CSNK1G3: variants seen among roughly 807,000 people sequenced by gnomAD.
CSNK1G3 encodes casein kinase 1 gamma 3.
A neutral mutation model predicts 64.3 loss-of-function variants in CSNK1G3; 23 were observed. The observed-to-expected ratio is 0.36, with a 90% CI of 0.26 to 0.51. The LOEUF (loss-of-function observed/expected upper bound fraction) is 0.51. Among genes scored for constraint, CSNK1G3 ranks in the 20% least tolerant of loss-of-function variants. The pLI is 0.96. For synonymous variants in CSNK1G3, 158 were observed against 162.2 expected, an observed-to-expected ratio of 0.97 and a Z score of 0.20; for missense variants, 357 against 510.5, an observed-to-expected ratio of 0.70 and a Z score of 2.90.
chr5:123,526,595 C>T (rs1779121943), intron 1 of CSNK1G3, among the ~76,000 whole-genome samples: 1 of 152,206 alleles, frequency 6.6e-6, no homozygotes, highest in African/African-American at 2.4e-5. Context: ...CCACTCCTAG[C>T]AGCCACTGAT....
intron 1 of CSNK1G3, among the ~76,000 whole-genome samples, chr5:123,519,839 A>G (rs994113338): frequency 6.6e-6 from 1 of 152,206 alleles, no homozygotes; most frequent in African/African-American, 2.4e-5. Flanking sequence ...CTTATATCCT[A>G]ATTACTAGTG....
At chr5:123,529,157 A>G (rs1033567169) in intron 1 of CSNK1G3, among the ~76,000 whole-genome samples, 3 of 152,206 alleles carry the variant, frequency 2.0e-5, no homozygotes, top group African/African-American at 2.4e-5. Context: ...GCATGAGTAT[A>G]ATGCTGTTGG....
chr5:123,610,783 C>A (rs1020809755), intron 12 of CSNK1G3, among the ~76,000 whole-genome samples: 3 of 151,888 alleles, frequency 2.0e-5, no homozygotes, highest in Admixed American at 6.6e-5. Flanking sequence ...TGAGACCAGC[C>A]TGGGCAACAT....
intron 10 of CSNK1G3, among the ~76,000 whole-genome samples, chr5:123,594,439 G>GA (rs569391587): frequency 6.6e-6 from 1 of 151,920 alleles, no homozygotes; most frequent in African/African-American, 2.4e-5. Context: ...TTATCACTTA[G>GA]AAAAAAAATT....
At chr5:123,559,936 T>C (rs1487752495) in intron 4 of CSNK1G3, among the ~76,000 whole-genome samples, 1 of 152,138 alleles carries the variant, frequency 6.6e-6, no homozygotes, top group East Asian at 1.9e-4. Flanking sequence ...CTGAATTTCA[T>C]TTATATAGCA....
chr5:123,577,985 G>T (rs1308827102), intron 6 of CSNK1G3, among the ~76,000 whole-genome samples: 1 of 151,694 alleles, frequency 6.6e-6, no homozygotes, highest in Non-Finnish European at 1.5e-5. Flanking sequence ...AACTTCTTTT[G>T]GTGGGTATAA....
chr5:123,522,037 TA>T (rs1271959800), intron 1 of CSNK1G3, among the ~76,000 whole-genome samples: 1 of 152,112 alleles, frequency 6.6e-6, no homozygotes, highest in Non-Finnish European at 1.5e-5. Context: ...CTCAGCCCTT[TA>T]AAAAAATGGC....
At chr5:123,527,701 A>G (rs1343399176) in intron 1 of CSNK1G3, among the ~76,000 whole-genome samples, 5 of 152,216 alleles carry the variant, frequency 3.3e-5, no homozygotes, top group African/African-American at 1.2e-4. Context: ...TATAACTGTT[A>G]TGAGAACCAT....
At chr5:123,560,681 A>T (rs1037303578) in intron 4 of CSNK1G3, among the ~76,000 whole-genome samples, 2 of 152,100 alleles carry the variant, frequency 1.3e-5, no homozygotes, top group Non-Finnish European at 2.9e-5. Flanking sequence ...CCATTGTACT[A>T]AAAAAAGGAA....
intron 10 of CSNK1G3, among the ~76,000 whole-genome samples, chr5:123,599,560 T>C (rs1287457971): frequency 6.6e-6 from 1 of 152,210 alleles, no homozygotes; most frequent in African/African-American, 2.4e-5. Flanking sequence ...TCTAGAGGAA[T>C]AGTAGATACT....
chr5:123,537,877 A>G (rs541073729), intron 1 of CSNK1G3, among the ~76,000 whole-genome samples: 1 of 152,154 alleles, frequency 6.6e-6, no homozygotes, highest in Non-Finnish European at 1.5e-5. Flanking sequence ...TAGGATTTCT[A>G]TCACCACAGC....
chr5:123,610,986 A>G (rs1796237362), intron 12 of CSNK1G3, among the ~76,000 whole-genome samples: 1 of 152,254 alleles, frequency 6.6e-6, no homozygotes, highest in Admixed American at 6.5e-5. Context: ...CAGATAATAA[A>G]TAAATAAAAT....
At chr5:123,602,073 T>A (rs963183339) in intron 10 of CSNK1G3, among the ~76,000 whole-genome samples, 5 of 151,896 alleles carry the variant, frequency 3.3e-5, no homozygotes, top group African/African-American at 7.3e-5. Flanking sequence ...AGAGAAAAAA[T>A]TTACAGTTCA....
At chr5:123,516,769 A>G (rs1365949809) in intron 1 of CSNK1G3, among the ~76,000 whole-genome samples, 10 of 152,328 alleles carry the variant, frequency 6.6e-5, no homozygotes, top group South Asian at 4.1e-4. Context: ...TAACTTTTCA[A>G]TGGAATGAGA....
chr5:123,547,804 T>C (rs1782836006), intron 2 of CSNK1G3, among the ~76,000 whole-genome samples: 2 of 152,176 alleles, frequency 1.3e-5, no homozygotes. Flanking sequence ...AATCATTTAT[T>C]CTTCCTTTTT....
At chr5:123,600,311 C>T (rs943425332) in intron 10 of CSNK1G3, among the ~76,000 whole-genome samples, 3 of 152,068 alleles carry the variant, frequency 2.0e-5, no homozygotes, top group Non-Finnish European at 4.4e-5. Flanking sequence ...AGTAATCTTG[C>T]TTACAAGGTA....
At chr5:123,602,462 G>T (rs187539546) in intron 10 of CSNK1G3, among the ~76,000 whole-genome samples, 1 of 152,272 alleles carries the variant, frequency 6.6e-6, no homozygotes, top group Non-Finnish European at 1.5e-5. Flanking sequence ...TAAGAACTTA[G>T]AAATATGAGG....
At chr5:123,570,784 A>G (rs1344298958) in intron 4 of CSNK1G3, among the ~76,000 whole-genome samples, 2 of 152,232 alleles carry the variant, frequency 1.3e-5, no homozygotes, top group Non-Finnish European at 2.9e-5. Flanking sequence ...GGAATAAGTT[A>G]TTAGAGATTG....
Position 123,603,118 on chromosome 5 carries a change from C to A in CSNK1G3, c.1087-1606C>A, listed in dbSNP as rs148626052. Among the ~76,000 whole-genome samples, 19 of 152,194 alleles carry A rather than the reference C, an allele frequency of 1.2e-4. No individual in the cohort carries two copies. The East Asian group carries it at 3.3e-3, about 26-fold the overall frequency. On this transcript the variant is annotated intron_variant, in intron 10 of 12. Coordinates refer to ENST00000345990, the Ensembl canonical transcript of CSNK1G3. ...ATGTACAAGAAAATGAGGCACCGAG[C>A]AAAGTGTCCTGAATACATTTTCTAG...
Sources: allele counts gnomAD v4.1 joint callset (sites outside exome capture counted in the v4.1 genomes callset), GRCh38; gene constraint gnomAD v4.1.1; transcripts MANE v1.5; gene names NCBI Gene and HGNC (gene_info 2026-07-23, HGNC 2026-07-21).